The following DLG2 variants were observed in gnomAD, a reference collection of about 807,000 sequenced individuals.
DLG2 encodes discs large MAGUK scaffold protein 2, also known as disks large homolog 2.
DLG2 carries 45 observed loss-of-function variants against 132.5 expected under a neutral mutation model. The observed-to-expected ratio is 0.34, with a 90% confidence interval of 0.27 to 0.44. DLG2 has a LOEUF of 0.44. Ranked by LOEUF, DLG2 falls within the 20% of genes least tolerant of loss-of-function variation. The pLI, the probability that DLG2 is intolerant of heterozygous loss-of-function variation, is 1.00. For missense variants in DLG2, 1,045 were observed against 1,196.9 expected (o/e 0.87, Z 1.87); for synonymous variants, 424 against 419.6 (o/e 1.01, Z -0.13).
intron 7 of DLG2, among the ~76,000 whole-genome samples, chr11:84,511,779 C>G (rs10898251): frequency 6.6e-6 from 1 of 152,002 alleles, no homozygotes; most frequent in African/African-American, 2.4e-5. Flanking sequence ...GATGATAAAA[C>G]TCATTTGGCA....
At chr11:84,880,693 C>A (rs546310355) in intron 6 of DLG2, among the ~76,000 whole-genome samples, 3 of 152,102 alleles carry the variant, frequency 2.0e-5, no homozygotes, top group Non-Finnish European at 4.4e-5. Flanking sequence ...AAGCTTAGGA[C>A]ATGGTGTAGC....
intron 7 of DLG2, among the ~76,000 whole-genome samples, chr11:84,531,134 A>T (rs569526612): frequency 1.3e-5 from 2 of 152,304 alleles, no homozygotes; most frequent in South Asian, 4.1e-4. Context: ...AAAGAAAAAA[A>T]AGAAAGTAAA....
intron 6 of DLG2, among the ~76,000 whole-genome samples, chr11:84,738,625 A>G (rs1162923168): frequency 6.6e-6 from 1 of 152,178 alleles, no homozygotes; most frequent in Non-Finnish European, 1.5e-5. Context: ...GAGTTTAACA[A>G]TTCCAAGTGT....
intron 3 of DLG2, among the ~76,000 whole-genome samples, chr11:85,521,167 T>C (rs2074280046): frequency 6.6e-6 from 1 of 152,236 alleles, no homozygotes; most frequent in Admixed American, 6.5e-5. Context: ...ATCCTAATTA[T>C]AATCCCCATG....
chr11:85,625,759 A>G (rs2081996411), intron 2 of DLG2, among the ~76,000 whole-genome samples: 1 of 152,224 alleles, frequency 6.6e-6, no homozygotes, highest in Non-Finnish European at 1.5e-5. Flanking sequence ...GTTTTGATTC[A>G]AAACTCTTGA....
At chr11:83,630,502 C>T (rs1159491661) in intron 19 of DLG2, among the ~76,000 whole-genome samples, 1 of 152,148 alleles carries the variant, frequency 6.6e-6, no homozygotes, top group Non-Finnish European at 1.5e-5. Context: ...ATAAATAATA[C>T]CAAAGAAATC....
intron 7 of DLG2, among the ~76,000 whole-genome samples, chr11:84,402,426 G>A (rs185884776): frequency 7.9e-5 from 12 of 152,206 alleles, no homozygotes; most frequent in African/African-American, 2.9e-4. Context: ...TGGCAACATA[G>A]ATTATATTGC....
At chr11:84,825,524 G>A (rs1186238410) in intron 6 of DLG2, among the ~76,000 whole-genome samples, 1 of 151,844 alleles carries the variant, frequency 6.6e-6, no homozygotes, top group Non-Finnish European at 1.5e-5. Flanking sequence ...CGTAAGCTGT[G>A]ATAAAGTTGT....
At chr11:84,770,860 G>C (rs1005040156) in intron 6 of DLG2, among the ~76,000 whole-genome samples, 2 of 151,544 alleles carry the variant, frequency 1.3e-5, no homozygotes, top group Admixed American at 1.3e-4. Context: ...TGTTAGCCAG[G>C]GTGGTCTCAA....
chr11:84,902,060 T>C (rs1227667), intron 6 of DLG2, among the ~76,000 whole-genome samples: 109,298 of 152,032 alleles, frequency 0.72, 39,591 homozygotes, highest in African/African-American at 0.8. Flanking sequence ...AAAAAAACTA[T>C]GTACAAATGT....
At chr11:84,576,886 A>G (rs1362740136) in intron 6 of DLG2, among the ~76,000 whole-genome samples, 1 of 152,082 alleles carries the variant, frequency 6.6e-6, no homozygotes, top group Non-Finnish European at 1.5e-5. Flanking sequence ...TAGTTTTCAT[A>G]TATACTTTGT....
At chr11:83,477,022 G>C (rs117016363) in intron 22 of DLG2, among the ~76,000 whole-genome samples, 4 of 152,052 alleles carry the variant, frequency 2.6e-5, no homozygotes, top group Admixed American at 6.6e-5. Flanking sequence ...ATCTCAACAC[G>C]TTAGTTTCAC....
chr11:83,941,902 G>A (rs893663448), intron 14 of DLG2, among the ~76,000 whole-genome samples: 5 of 152,072 alleles, frequency 3.3e-5, no homozygotes, highest in Non-Finnish European at 5.9e-5. Flanking sequence ...GATATTAGAC[G>A]TTTTTCTGTG....
chr11:85,397,512 G>A (rs1425218675), intron 3 of DLG2, among the ~76,000 whole-genome samples: 1 of 152,110 alleles, frequency 6.6e-6, no homozygotes, highest in Non-Finnish European at 1.5e-5. Flanking sequence ...AGCACCATTG[G>A]TATGCTGTAT....
At chr11:84,964,443 A>T (rs958209424) in intron 6 of DLG2, among the ~76,000 whole-genome samples, 20 of 152,272 alleles carry the variant, frequency 1.3e-4, no homozygotes, top group African/African-American at 4.1e-4. Context: ...GACAATAATG[A>T]AAAAGCTATA....
chr11:85,452,763 T>C (rs2092292067), intron 3 of DLG2: 1 of 154,968 alleles, frequency 6.5e-6, no homozygotes, highest in Non-Finnish European at 1.5e-5. Context: ...GTTTGTTACT[T>C]CAACAACCAG....
intron 18 of DLG2, among the ~76,000 whole-genome samples, chr11:83,719,520 C>A (rs1385869886): frequency 1.3e-5 from 2 of 152,174 alleles, no homozygotes; most frequent in African/African-American, 2.4e-5. Flanking sequence ...TGTGCTTCCA[C>A]TCCTGGCAAA....
rs527811605 is a variant in DLG2 at position 85,536,214 on chromosome 11, C to CAAA, written c.40+62440_40+62442dup. On this transcript the variant is annotated intron_variant, in intron 3 of 27. Coordinates refer to ENST00000376104, the MANE Select transcript of DLG2 (RefSeq NM_001142699.3). ...CTGGCAACAGAGTGTGACCCTGTCT[C>CAAA]AAAAAAAAAAAAAAAAAAAAAAAAG... Among the ~76,000 whole-genome samples, 160 of 57,472 alleles carry CAAA rather than the reference C, an allele frequency of 2.8e-3. 1 individual carries two copies. The highest frequency in any genetic ancestry group is 9.7e-3 in the African/African-American group (150 of 15,390). The allele number at this position is 57,472 out of a possible 152,430, so 37.7% of individuals were successfully genotyped here. A position where few individuals can be genotyped will look rare whatever the true frequency, so the allele number is the denominator to read the frequency against.
intron 18 of DLG2, among the ~76,000 whole-genome samples, chr11:83,717,065 G>T (rs150543169): frequency 2.0e-5 from 3 of 152,110 alleles, no homozygotes; most frequent in Non-Finnish European, 4.4e-5. Flanking sequence ...CCCCACTCCT[G>T]ATTGTACTAA....
Sources: allele counts gnomAD v4.1 joint callset (sites outside exome capture counted in the v4.1 genomes callset), GRCh38; gene constraint gnomAD v4.1.1; transcripts MANE v1.5; gene names NCBI Gene and HGNC (gene_info 2026-07-23, HGNC 2026-07-21).